Variants in CLVS1 observed in about 807,000 individuals in gnomAD.
The protein encoded by CLVS1 is clavesin-1.
CLVS1 carries 10 observed loss-of-function variants against 33.1 expected under a neutral mutation model. The observed-to-expected ratio is 0.30, with a 90% CI of 0.19 to 0.51. The LOEUF (loss-of-function observed/expected upper bound fraction) is 0.51. CLVS1 is among the 20% of genes least tolerant of loss of function. CLVS1 has a pLI of 0.97. For synonymous variants in CLVS1, 163 were observed against 166.1 expected, an observed-to-expected ratio of 0.98 and a Z score of 0.14; for missense variants, 343 against 433.4, an observed-to-expected ratio of 0.79 and a Z score of 1.85.
At chr8:61,085,867 CA>C (rs1189387097) in intron 1 of CLVS1, among the ~76,000 whole-genome samples, 2 of 151,126 alleles carry the variant, frequency 1.3e-5, no homozygotes, top group African/African-American at 4.9e-5. Context: ...ACTAAAAATA[CA>C]AAAAAATTAG....
chr8:61,222,336 T>G (rs942886893), intron 2 of CLVS1, among the ~76,000 whole-genome samples: 1 of 152,208 alleles, frequency 6.6e-6, no homozygotes. Context: ...TAAATTTCTC[T>G]CTTAATACTG....
the CLVS1 span, among the ~76,000 whole-genome samples, chr8:61,047,775 C>T: frequency 1.3e-5 from 2 of 152,204 alleles, no homozygotes; most frequent in East Asian, 3.9e-4. Context: ...GGGAACATCA[C>T]ACTCTGGGGA....
chr8:61,041,119 C>A, the CLVS1 span, among the ~76,000 whole-genome samples: 2 of 152,036 alleles, frequency 1.3e-5, no homozygotes, highest in African/African-American at 2.4e-5. Flanking sequence ...TTTTTGTCAA[C>A]TTTGTTAAAG....
intron 2 of CLVS1, among the ~76,000 whole-genome samples, chr8:61,185,946 C>T (rs1376863935): frequency 1.3e-5 from 2 of 152,176 alleles, no homozygotes; most frequent in Non-Finnish European, 2.9e-5. Context: ...AATCTTGTTT[C>T]CTCCCTAGTT....
intron 1 of CLVS1, among the ~76,000 whole-genome samples, chr8:61,089,554 A>G (rs1805191373): frequency 6.6e-6 from 1 of 152,166 alleles, no homozygotes; most frequent in African/African-American, 2.4e-5. Context: ...TTAGTGTTCA[A>G]CTTGCCAGCA....
At chr8:61,341,561 C>T (rs1025617941) in intron 2 of CLVS1, among the ~76,000 whole-genome samples, 1 of 152,176 alleles carries the variant, frequency 6.6e-6, no homozygotes, top group African/African-American at 2.4e-5. Context: ...ACCCACCATC[C>T]GGTTTCTTCA....
intron 1 of CLVS1, among the ~76,000 whole-genome samples, chr8:61,295,807 A>ATATATTATATTATATAT (rs1399640984): frequency 1.1e-4 from 16 of 152,110 alleles, no homozygotes; most frequent in African/African-American, 3.9e-4. Context: ...TCATTTGAAA[A>ATATATTATATTATATAT]ATGAGGACAA....
At chr8:61,463,472 C>T (rs1817439844) in intron 5 of CLVS1, among the ~76,000 whole-genome samples, 1 of 152,162 alleles carries the variant, frequency 6.6e-6, no homozygotes, top group Admixed American at 6.5e-5. Flanking sequence ...TTAATCATGT[C>T]TAGCTTTTGG....
intron 3 of CLVS1, among the ~76,000 whole-genome samples, chr8:61,443,603 T>A (rs558281318): frequency 6.6e-6 from 1 of 152,348 alleles, no homozygotes; most frequent in African/African-American, 2.4e-5. Context: ...AATCTATATA[T>A]CTTTTCCTCC....
intron 2 of CLVS1, among the ~76,000 whole-genome samples, chr8:61,133,452 A>G (rs1194391783): frequency 6.6e-6 from 1 of 152,180 alleles, no homozygotes; most frequent in African/African-American, 2.4e-5. Context: ...AACACATGGA[A>G]GTTGTAAGTA....
rs1160242748 is a variant in CLVS1 at position 61,083,462 on chromosome 8, C to A, written c.-243+26232C>A. Among the ~76,000 whole-genome samples, 5 of 152,166 alleles carry A rather than the reference C, an allele frequency of 3.3e-5. No individual in the cohort carries two copies. The East Asian group carries it at 9.7e-4, about 29-fold the overall frequency. On this transcript the variant is annotated intron_variant, in intron 1 of 2. Coordinates refer to the CLVS1 transcript ENST00000522621. ...TGTACAAAGGAGAAGAGCAGCCCAA[C>A]TGAGGGGGTTTGGGAGCCAGAGGCA...
chr8:61,018,944 T>C, the CLVS1 span, among the ~76,000 whole-genome samples: 30 of 152,206 alleles, frequency 2.0e-4, no homozygotes, highest in African/African-American at 7.2e-4. Context: ...GCTGCAGCCG[T>C]GGTGGAGGCC....
chr8:61,129,018 A>G (rs1203394421), intron 1 of CLVS1, among the ~76,000 whole-genome samples: 1 of 152,218 alleles, frequency 6.6e-6, no homozygotes, highest in East Asian at 1.9e-4. Context: ...ATACTGTTCC[A>G]GCATGGTGTT....
At chr8:61,324,122 A>G (rs545091069) in intron 2 of CLVS1, among the ~76,000 whole-genome samples, 1 of 152,256 alleles carries the variant, frequency 6.6e-6, no homozygotes, top group East Asian at 1.9e-4. Context: ...ATGTTTCTTT[A>G]TAATATAATG....
chr8:61,039,779 A>G, the CLVS1 span, among the ~76,000 whole-genome samples: 1 of 152,146 alleles, frequency 6.6e-6, no homozygotes, highest in African/African-American at 2.4e-5. Flanking sequence ...GGCTGAAGCC[A>G]TCCTCTCACC....
At chr8:61,175,830 C>G (rs1807102699) in intron 2 of CLVS1, among the ~76,000 whole-genome samples, 1 of 152,172 alleles carries the variant, frequency 6.6e-6, no homozygotes, top group African/African-American at 2.4e-5. Flanking sequence ...CTGTTGTAAG[C>G]TTTCCCATTT....
At chr8:61,481,725 G>A (rs1003027133) in intron 5 of CLVS1, among the ~76,000 whole-genome samples, 4 of 152,162 alleles carry the variant, frequency 2.6e-5, no homozygotes, top group Admixed American at 6.5e-5. Context: ...GGAGCCCACC[G>A]CAGCTCAAGG....
intron 2 of CLVS1, among the ~76,000 whole-genome samples, chr8:61,202,073 AC>A (rs749597251): frequency 1.3e-5 from 2 of 152,214 alleles, no homozygotes; most frequent in African/African-American, 2.4e-5. Context: ...GGAGGAAGTA[AC>A]TTGTGGAATG....
chr8:61,343,987 AT>A (rs1157172314), intron 2 of CLVS1, among the ~76,000 whole-genome samples: 3 of 152,208 alleles, frequency 2.0e-5, no homozygotes, highest in Admixed American at 6.5e-5. Flanking sequence ...ATATACACAC[AT>A]TCTTAATCTA....
Sources: allele counts gnomAD v4.1 joint callset (sites outside exome capture counted in the v4.1 genomes callset), GRCh38; gene constraint gnomAD v4.1.1; transcripts MANE v1.5; gene names NCBI Gene and HGNC (gene_info 2026-07-23, HGNC 2026-07-21).